Variants in ABCA6 observed in about 807,000 individuals in gnomAD.
ABCA6 encodes the protein ATP binding cassette subfamily A member 6, also known as ATP-binding cassette sub-family A member 6.
Under a neutral mutation model 191.2 loss-of-function variants are expected in ABCA6, and 164 were observed. The ratio of observed to expected loss-of-function variants is 0.86; its 90% CI spans 0.76 to 0.98. The LOEUF (loss-of-function observed/expected upper bound fraction) is 0.98, where lower values mean the gene tolerates loss of function less well. Among genes scored for constraint, ABCA6 ranks in the 50% least tolerant of loss-of-function variants. ABCA6 has a pLI of 0.00. For synonymous variants in ABCA6, 636 were observed against 647.7 expected, an observed-to-expected ratio of 0.98 and a Z score of 0.27; for missense variants, 1,958 against 1,894.1, an observed-to-expected ratio of 1.03 and a Z score of -0.63.
chr17:69,099,774 G>A (rs1170530181), intron 22 of ABCA6: 3 of 153,624 alleles, frequency 2.0e-5, no homozygotes, highest in Admixed American at 6.5e-5. Flanking sequence ...CTCAACTCAC[G>A]GAGGTATGTG....
Position 69,081,156 on chromosome 17 carries a change from G to A in ABCA6, c.4617-11C>T, listed in dbSNP as rs1267814898. 6.5e-7 allele frequency: 1 copy of A among 1,529,256 alleles called. No homozygotes were observed. The highest frequency in any genetic ancestry group is 1.2e-5 in the South Asian group (1 of 81,312). The allele number at this position is 1,529,256 out of a possible 1,614,324, so 94.7% of individuals were successfully genotyped here. A position where few individuals can be genotyped will look rare whatever the true frequency, so the allele number is the denominator to read the frequency against. On this transcript the variant is annotated splice_polypyrimidine_tract_variant and intron_variant, in intron 36 of 38. Coordinates refer to ENST00000284425, the MANE Select transcript of ABCA6 (RefSeq NM_080284.3). ...AACAAAGAGGAATACCTGAAAACAG[G>A]AAGATGTCGTTTTCAGCTCTGAGTT...
intron 25 of ABCA6, among the ~76,000 whole-genome samples, chr17:69,093,548 G>A (rs1193561058): frequency 6.6e-6 from 1 of 152,164 alleles, no homozygotes; most frequent in Non-Finnish European, 1.5e-5. Flanking sequence ...CTGCAAACCT[G>A]CTTCCTGCTT....
chr17:69,084,342 A>T lies in ABCA6; in HGVS notation c.4274T>A (p.Leu1425Gln). 6.2e-7 allele frequency: 1 copy of T among 1,614,206 alleles called. No individual in the cohort carries two copies. Among genetic ancestry groups the T allele is most frequent in the East Asian group, 2.2e-5 (1 of 44,876 alleles). ...AGITRKLCFV[L>Q]SLLGNSPVLL... ...GACAGGTGAGTTTCCCAGGAGGCTC[A>T]GCACAAAACACAACTGCAATGTAGA... The change falls in exon 34 of 39, where the codon CTG becomes CAG. Residue 1425 changes from leucine to glutamine, a missense_variant. By Grantham distance (113) the Leu-to-Gln change is moderately radical (BLOSUM62 -2). Transcript: ENST00000284425.
At position 69,112,247 on chromosome 17, in the gene ABCA6, TC is replaced by T; in HGVS notation, c.2067del (p.Arg690AspfsTer2). 1 of 1,612,422 alleles carries T rather than the reference TC, an allele frequency of 6.2e-7. No individual in the cohort carries two copies. The highest frequency in any genetic ancestry group is 1.1e-5 in the South Asian group (1 of 91,000). The part of the protein sequence containing the change: ...LADRKVIMSN[G>X]RLKCAGSSMF... Reference sequence around the variant, plus strand: ...ATAGAAGAACCTGCACACTTCAGTCTCCCATTGGACATGATCACTTTTCTAT... The same window carrying T: ...ATAGAAGAACCTGCACACTTCAGTCTCCATTGGACATGATCACTTTTCTAT... On this transcript the variant is annotated frameshift_variant, in exon 16 of 39. Transcript: ENST00000284425. LOFTEE classifies it high-confidence loss of function.
In ABCA6 at chr17:69,091,185, A is replaced by T; in HGVS notation, c.3486T>A (p.Val1162=). 2 of 1,611,998 alleles carry T rather than the reference A, an allele frequency of 1.2e-6. No homozygotes were observed. Among genetic ancestry groups the T allele is most frequent in the Non-Finnish European group, 1.7e-6 (2 of 1,179,266 alleles). ...LSILITTMVL[V]PSYTLLGFKT... is the part of the protein sequence containing the mutation. ...TAAATCCAAGCAAGGTATATGAAGG[A>T]ACCAATACCATGGTGGTAATCAATA... The change falls in exon 26 of 39, where the codon GTT becomes GTA. Residue 1162 remains valine (V), a synonymous_variant. Coordinates refer to ENST00000284425, the MANE Select transcript of ABCA6 (RefSeq NM_080284.3).
At chr17:69,129,907 C>G (rs1331232453) in intron 6 of ABCA6, among the ~76,000 whole-genome samples, 156 bp from the exon 7 acceptor site, 2 of 152,138 alleles carry the variant, frequency 1.3e-5, no homozygotes, top group East Asian at 3.9e-4. Context: ...CATTGCATAT[C>G]CTTTTTCAAT....
Position 69,123,381 on chromosome 17 carries a change from AAGG to A in ABCA6, c.1291_1293del (p.Pro431del). ...CAAGATGATGAATTCAAGAAAAATAAAGGAGAATAATGGCGCTCATCTCCATCT... is the reference window on the plus strand; with the variant it reads ...CAAGATGATGAATTCAAGAAAAATAAAGAATAATGGCGCTCATCTCCATCT... On this transcript the variant is annotated inframe_deletion, in exon 10 of 39. Transcript: ENST00000284425. The A allele has an allele frequency of 1.3e-6, 2 of 1,520,842 alleles. No individual in the cohort carries two copies. Among genetic ancestry groups the A allele is most frequent in the South Asian group, 2.7e-5 (2 of 74,988 alleles). The allele number at this position is 1,520,842 out of a possible 1,614,324, so 94.2% of individuals were successfully genotyped here. A position where few individuals can be genotyped will look rare whatever the true frequency, so the allele number is the denominator to read the frequency against.
At chr17:69,082,053 A>C (rs1370540597) in intron 36 of ABCA6, among the ~76,000 whole-genome samples, 1 of 152,156 alleles carries the variant, frequency 6.6e-6, no homozygotes, top group African/African-American at 2.4e-5. Context: ...GGCCCTTTTC[A>C]GACCAGCCAC....
intron 36 of ABCA6, among the ~76,000 whole-genome samples, chr17:69,082,394 C>T (rs1283379960): frequency 2.6e-5 from 4 of 152,050 alleles, no homozygotes; most frequent in South Asian, 2.1e-4. Flanking sequence ...CACATACACA[C>T]ATACCCCTTT....
intron 10 of ABCA6, 100 bp downstream of exon 10, chr17:69,123,139 T>A: frequency 1.4e-6 from 1 of 719,220 alleles, no homozygotes; most frequent in East Asian, 4.6e-5. Context: ...GTTGTGCACA[T>A]GTACCCTAAA....
At chr17:69,125,609 G>A (rs551797218) in intron 8 of ABCA6, among the ~76,000 whole-genome samples, 6 of 152,098 alleles carry the variant, frequency 3.9e-5, no homozygotes, top group African/African-American at 1.4e-4. Context: ...TAAAACTAAG[G>A]CACAGCGAAG....
At chr17:69,123,852 T>A (rs1054264566) in intron 9 of ABCA6, among the ~76,000 whole-genome samples, 2 of 152,022 alleles carry the variant, frequency 1.3e-5, no homozygotes, top group Non-Finnish European at 2.9e-5. Flanking sequence ...AACAATGGGT[T>A]GCATTATCCT....
intron 27 of ABCA6, among the ~76,000 whole-genome samples, chr17:69,088,902 C>G (rs1237858298): frequency 6.6e-6 from 1 of 152,170 alleles, no homozygotes; most frequent in African/African-American, 2.4e-5. Flanking sequence ...CTTGCCACTT[C>G]CTACTGAAGT....
Position 69,136,189 on chromosome 17 carries a change from T to G in ABCA6, c.363A>C (p.Leu121Phe). 1.2e-6 allele frequency: 2 copies of G among 1,601,142 alleles called. No homozygotes were observed. Among genetic ancestry groups the G allele is most frequent in the Non-Finnish European group, 1.7e-6 (2 of 1,172,828 alleles). The stretch of plus-strand genomic sequence containing the variant: ...TAAAGATGATTCCCATAGCATATGG[T>G]AAATTTTCCAGAAGTATTTCGTCCA... Reference protein sequence around the residue: ...THMDEILLENLPYAMGIIFNE... With the variant: ...THMDEILLENFPYAMGIIFNE... Residue 121 changes from leucine to phenylalanine, a missense_variant, in exon 4 of 39, where the codon TTA becomes TTC. Coordinates refer to ENST00000284425, the MANE Select transcript of ABCA6 (RefSeq NM_080284.3).
chr17:69,134,864 G>A, intron 4 of ABCA6, 122 bp from the exon 5 acceptor site: 3 of 552,722 alleles, frequency 5.4e-6, no homozygotes, highest in South Asian at 4.2e-5. Flanking sequence ...TTTGGTGGTG[G>A]TGTTTCGTTT....
rs201702880 is a variant in ABCA6 at position 69,083,259 on chromosome 17, C to T, written c.4428G>A (p.Ala1476=). The change falls in exon 35 of 39, where the codon GCG becomes GCA. Residue 1476 remains alanine (A), a synonymous_variant. Transcript: ENST00000284425. ...TGGCCACACGGTCACACAAGGCTTC[C>T]GCCTCAGCCAGGTTATGGGTGGTCA... ...VLLTTHNLAE[A]EALCDRVAIM... 201 of 1,610,752 alleles carry T rather than the reference C, an allele frequency of 1.2e-4. 1 individual carries two copies. The highest frequency in any genetic ancestry group is 1.2e-3 in the East Asian group (54 of 44,868).
chr17:69,098,961 A>G (rs1183430197), intron 22 of ABCA6, among the ~76,000 whole-genome samples: 1 of 152,222 alleles, frequency 6.6e-6, no homozygotes, highest in African/African-American at 2.4e-5. Flanking sequence ...TTATTACCAC[A>G]ACAAAAAAAC....
intron 6 of ABCA6, among the ~76,000 whole-genome samples, chr17:69,131,352 T>G (rs1250884201): frequency 6.6e-6 from 1 of 152,218 alleles, no homozygotes; most frequent in African/African-American, 2.4e-5. Flanking sequence ...ATTAAGCCTG[T>G]GTTAGAAACA....
chr17:69,133,923 C>A, intron 5 of ABCA6, 56 bp from the exon 6 acceptor site: 2 of 1,200,480 alleles, frequency 1.7e-6, no homozygotes, highest in Non-Finnish European at 2.3e-6. Context: ...AACTGGTGAA[C>A]TATGAGTAAG....
Sources: gnomAD v4.1 joint callset for allele counts (sites outside exome capture counted in the v4.1 genomes callset) on GRCh38, gnomAD v4.1.1 for gene constraint, MANE v1.5 for transcripts, NCBI Gene and HGNC (gene_info 2026-07-23, HGNC 2026-07-21) for gene names.